FRMD5: variants seen among roughly 807,000 people sequenced by gnomAD.
FRMD5 encodes FERM domain containing 5.
Under a neutral mutation model 69.0 loss-of-function variants are expected in FRMD5, and 20 were observed. That is an observed-to-expected ratio of 0.29 (90% CI 0.20 to 0.42). The LOEUF is 0.42. Among genes scored for constraint, FRMD5 ranks in the 10% least tolerant of loss-of-function variants. The pLI is 1.00. For synonymous variants in FRMD5, 271 were observed against 260.1 expected, an observed-to-expected ratio of 1.04 and a Z score of -0.40; for missense variants, 595 against 708.6, an observed-to-expected ratio of 0.84 and a Z score of 1.82.
At chr15:44,179,858 C>T (rs2140559831) in intron 1 of FRMD5, among the ~76,000 whole-genome samples, 1 of 152,176 alleles carries the variant, frequency 6.6e-6, no homozygotes, top group Middle Eastern at 3.4e-3. Flanking sequence ...TCAATTCACT[C>T]CAAGTTATCA....
chr15:44,005,801 T>C (rs1890420025), intron 1 of FRMD5, among the ~76,000 whole-genome samples: 1 of 152,144 alleles, frequency 6.6e-6, no homozygotes, highest in Non-Finnish European at 1.5e-5. Context: ...ATCCAATCAC[T>C]TCCCACCAGG....
intron 1 of FRMD5, among the ~76,000 whole-genome samples, chr15:44,157,066 G>C (rs2077540284): frequency 6.6e-6 from 1 of 152,058 alleles, no homozygotes; most frequent in South Asian, 2.1e-4. Flanking sequence ...TTAAAAATAG[G>C]TCAACCTTCT....
intron 1 of FRMD5, among the ~76,000 whole-genome samples, chr15:43,939,555 T>C (rs2140484177): frequency 6.6e-6 from 1 of 151,372 alleles, no homozygotes; most frequent in African/African-American, 2.4e-5. Flanking sequence ...AATTAATGTA[T>C]ATATTTATTT....
intron 4 of FRMD5, among the ~76,000 whole-genome samples, chr15:43,915,214 G>A (rs2089364212): frequency 6.6e-6 from 1 of 152,176 alleles, no homozygotes; most frequent in African/African-American, 2.4e-5. Flanking sequence ...AAATTTTACT[G>A]GAACACAGCC....
At chr15:44,039,518 T>C (rs1291971605) in intron 1 of FRMD5, among the ~76,000 whole-genome samples, 2 of 152,146 alleles carry the variant, frequency 1.3e-5, no homozygotes, top group Admixed American at 1.3e-4. Flanking sequence ...CCACTGGTAA[T>C]ACTCAGGCAA....
At chr15:44,073,801 T>C (rs1893641410) in intron 1 of FRMD5, among the ~76,000 whole-genome samples, 1 of 152,194 alleles carries the variant, frequency 6.6e-6, no homozygotes, top group African/African-American at 2.4e-5. Context: ...CCTATTCATA[T>C]GAAATTTTTA....
chr15:43,878,031 C>G (rs1383839480), intron 13 of FRMD5, among the ~76,000 whole-genome samples: 1 of 152,160 alleles, frequency 6.6e-6, no homozygotes, highest in Non-Finnish European at 1.5e-5. Context: ...TTGAGACAGT[C>G]TTACTCCATT....
At chr15:43,948,041 T>G (rs1291012965) in intron 1 of FRMD5, among the ~76,000 whole-genome samples, 2 of 152,152 alleles carry the variant, frequency 1.3e-5, no homozygotes, top group Non-Finnish European at 2.9e-5. Flanking sequence ...GCACTGTGCA[T>G]GTATTCTTTA....
At chr15:43,910,558 G>C (rs904934751) in intron 4 of FRMD5, among the ~76,000 whole-genome samples, 4 of 128,424 alleles carry the variant, frequency 3.1e-5, no homozygotes, top group Non-Finnish European at 6.1e-5. Flanking sequence ...TGGGCAATCG[G>C]AGAGACCTTG....
chr15:43,939,005 G>T (rs147893205), intron 1 of FRMD5, among the ~76,000 whole-genome samples: 1,627 of 151,966 alleles, frequency 0.011, 23 homozygotes, highest in African/African-American at 0.037. Flanking sequence ...GGGATTACAA[G>T]CATGCACCAC....
chr15:44,077,316 T>C (rs896365856), intron 1 of FRMD5, among the ~76,000 whole-genome samples: 8 of 152,126 alleles, frequency 5.3e-5, no homozygotes, highest in Non-Finnish European at 1.2e-4. Flanking sequence ...AGTAGGAATA[T>C]TACTAGAGTA....
intron 1 of FRMD5, among the ~76,000 whole-genome samples, chr15:44,071,682 A>G (rs1893546460): frequency 6.6e-6 from 1 of 152,116 alleles, no homozygotes; most frequent in African/African-American, 2.4e-5. Context: ...TTTTATGTTT[A>G]TTTATGGTTA....
intron 1 of FRMD5, among the ~76,000 whole-genome samples, chr15:43,945,614 C>G (rs879515345): frequency 1.3e-5 from 2 of 152,158 alleles, no homozygotes; most frequent in Non-Finnish European, 1.5e-5. Context: ...TACAAAAACA[C>G]CACATGGAAC....
intron 1 of FRMD5, among the ~76,000 whole-genome samples, chr15:43,934,713 C>T (rs1044235895): frequency 3.3e-5 from 5 of 152,176 alleles, no homozygotes; most frequent in Non-Finnish European, 7.3e-5. Context: ...ATCTAATGCC[C>T]GCCTCCAGCC....
chr15:44,156,809 C>T (rs1383936384), intron 1 of FRMD5, among the ~76,000 whole-genome samples: 1 of 152,120 alleles, frequency 6.6e-6, no homozygotes, highest in Admixed American at 6.6e-5. Flanking sequence ...CTCTTCTACT[C>T]TAGTACCAGC....
At chr15:44,073,820 T>C (rs1034149837) in intron 1 of FRMD5, among the ~76,000 whole-genome samples, 3 of 152,162 alleles carry the variant, frequency 2.0e-5, no homozygotes, top group African/African-American at 4.8e-5. Context: ...TAAAATCTAA[T>C]AGAATTTTGC....
At chr15:44,140,720 A>G (rs2077258216) in intron 1 of FRMD5, among the ~76,000 whole-genome samples, 1 of 151,622 alleles carries the variant, frequency 6.6e-6, no homozygotes, top group Non-Finnish European at 1.5e-5. Context: ...CTCTACAAAA[A>G]ATACAAAAAA....
chr15:44,175,758 A>G (rs1381176174), intron 1 of FRMD5, among the ~76,000 whole-genome samples: 1 of 152,196 alleles, frequency 6.6e-6, no homozygotes, highest in African/African-American at 2.4e-5. Flanking sequence ...ATACATCCAT[A>G]AAATAGAATA....
chr15:43,925,646 A>G (rs1464499604), intron 1 of FRMD5, among the ~76,000 whole-genome samples: 1 of 152,234 alleles, frequency 6.6e-6, no homozygotes, highest in Non-Finnish European at 1.5e-5. Context: ...AACTCTGATC[A>G]TGGCGTCCCA....
Sources: gnomAD v4.1 joint callset for allele counts (sites outside exome capture counted in the v4.1 genomes callset) on GRCh38, gnomAD v4.1.1 for gene constraint, MANE v1.5 for transcripts, NCBI Gene and HGNC (gene_info 2026-07-23, HGNC 2026-07-21) for gene names.